The following RSPH14 variants were observed in gnomAD, a reference collection of about 807,000 sequenced individuals.
RSPH14 encodes the protein rhabdoid tumor deletion region gene 1.
Under a neutral mutation model 26.7 loss-of-function variants are expected in RSPH14, and 20 were observed. The observed-to-expected ratio is 0.75, with a 90% CI of 0.53 to 1.09. The LOEUF (loss-of-function observed/expected upper bound fraction) is 1.09. Among genes scored for constraint, RSPH14 ranks in the 50% least tolerant of loss-of-function variants. The pLI, the probability that RSPH14 is intolerant of heterozygous loss-of-function variation, is 0.00. For synonymous variants in RSPH14, 177 were observed against 189.3 expected (o/e 0.93, Z 0.53); for missense variants, 449 against 457.2 (o/e 0.98, Z 0.16).
At chr22:23,131,457 T>G in intron 4 of RSPH14, 1 of 423,170 alleles carries the variant, frequency 2.4e-6, no homozygotes, top group Non-Finnish European at 4.1e-6. Flanking sequence ...TATGATTTCT[T>G]CAAATAAAAA....
intron 3 of RSPH14, among the ~76,000 whole-genome samples, chr22:23,137,578 T>A (rs542587340): frequency 2.0e-5 from 3 of 152,030 alleles, no homozygotes; most frequent in South Asian, 4.2e-4. Flanking sequence ...GCTGTTTTTT[T>A]TCCCTTCAAA....
chr22:23,125,782 C>T (rs1016377088), intron 4 of RSPH14, among the ~76,000 whole-genome samples: 2 of 152,204 alleles, frequency 1.3e-5, no homozygotes, highest in African/African-American at 4.8e-5. Context: ...GCTGATCTTT[C>T]CTCCTGCTGG....
chr22:23,114,515 T>C (rs2267002), intron 4 of RSPH14, among the ~76,000 whole-genome samples: 78,479 of 151,476 alleles, frequency 0.52, 20,551 homozygotes, highest in Middle Eastern at 0.58. Context: ...GCTCTTGTAT[T>C]ACCCCTCGCC....
chr22:23,126,514 G>C (rs1372936694), intron 4 of RSPH14, among the ~76,000 whole-genome samples: 1 of 152,208 alleles, frequency 6.6e-6, no homozygotes, highest in Non-Finnish European at 1.5e-5. Context: ...CATCTGTCAG[G>C]GCTCCAGGGT....
chr22:23,175,860 C>T, the RSPH14 span, among the ~76,000 whole-genome samples: 2 of 152,230 alleles, frequency 1.3e-5, no homozygotes, highest in African/African-American at 4.8e-5. Context: ...ACTGAGGGAA[C>T]AGCAGCTATC....
chr22:23,063,780 C>T, intron 5 of RSPH14, 122 bp downstream of exon 5: 1 of 867,430 alleles, frequency 1.2e-6, no homozygotes, highest in Non-Finnish European at 1.8e-6. Context: ...CTCCCTCCTA[C>T]CCCTGGGCAC....
intron 4 of RSPH14, among the ~76,000 whole-genome samples, chr22:23,092,876 A>G (rs972001148): frequency 6.6e-6 from 1 of 152,246 alleles, no homozygotes; most frequent in African/African-American, 2.4e-5. Context: ...AAGAACAGTC[A>G]TGACAACAGA....
chr22:23,141,445 G>A (rs1485930594), intron 1 of RSPH14, among the ~76,000 whole-genome samples: 1 of 152,152 alleles, frequency 6.6e-6, no homozygotes, highest in African/African-American at 2.4e-5. Flanking sequence ...TCAGGCCTGG[G>A]TGACCTTGGC....
At chr22:23,150,257 G>A in the RSPH14 span, 9 of 951,800 alleles carry the variant, frequency 9.5e-6, no homozygotes, top group Non-Finnish European at 1.5e-5. Context: ...CGAGGCTGGT[G>A]CAGCCCTGTA....
intron 4 of RSPH14, among the ~76,000 whole-genome samples, chr22:23,092,390 A>ACC (rs2069005019): frequency 6.6e-6 from 1 of 151,824 alleles, no homozygotes; most frequent in African/African-American, 2.4e-5. Flanking sequence ...GGGCGCTCAT[A>ACC]CCCCCAAACA....
intron 4 of RSPH14, among the ~76,000 whole-genome samples, chr22:23,118,660 C>A (rs2069922702): frequency 6.6e-6 from 1 of 152,222 alleles, no homozygotes. Flanking sequence ...GCCATGGGGT[C>A]ATGGTTGGCA....
chr22:23,111,339 C>G (rs2069652361), intron 4 of RSPH14, among the ~76,000 whole-genome samples: 1 of 152,194 alleles, frequency 6.6e-6, no homozygotes, highest in Non-Finnish European at 1.5e-5. Flanking sequence ...AATCTCCAAG[C>G]CCAGGCCAGG....
In RSPH14 at chr22:23,138,958, A is replaced by C. The variant is rs544209933; in HGVS notation, c.200-16T>G. On this transcript the variant is annotated splice_polypyrimidine_tract_variant and intron_variant, in intron 2 of 6. Coordinates refer to ENST00000216036, the MANE Select transcript of RSPH14 (RefSeq NM_014433.3). ...TCCATACAGCCTAGAAAAAAAAAAA[A>C]AAACAAACAAACCAACCCTTGAATT... 879 of 1,528,924 alleles carry C rather than the reference A, an allele frequency of 5.7e-4. 3 individuals carry two copies. The highest frequency in any genetic ancestry group is 2.1e-3 in the East Asian group (84 of 40,822). The allele number at this position is 1,528,924 out of a possible 1,614,324, so 94.7% of individuals were successfully genotyped here. A position where few individuals can be genotyped will look rare whatever the true frequency, so the allele number is the denominator to read the frequency against.
At position 23,124,880 on chromosome 22, in the gene RSPH14, C is replaced by G. The variant is rs148043323; in HGVS notation, c.421+9146G>C. 343 of 152,920 alleles carry G rather than the reference C, an allele frequency of 2.2e-3. 1 individual carries two copies. The highest frequency in any genetic ancestry group is 2.5e-3 in the Non-Finnish European group (173 of 68,302). 9.5% of individuals were successfully genotyped at this position (152,920 alleles called of 1,614,324 possible). On this transcript the variant is annotated intron_variant, in intron 4 of 6. Transcript: ENST00000216036. ...CACTGCCGGAGCCCTTGCCAGATCT[C>G]CCTCCCTCTCTCCGTGCAGTAGCTG...
chr22:23,060,425 G>A (rs1312356777), intron 6 of RSPH14, among the ~76,000 whole-genome samples: 1 of 151,488 alleles, frequency 6.6e-6, no homozygotes, highest in Non-Finnish European at 1.5e-5. Flanking sequence ...AGCCAAGATG[G>A]TGCCACTGCA....
chr22:23,132,297 A>G (rs2070373326), intron 4 of RSPH14, among the ~76,000 whole-genome samples: 1 of 152,168 alleles, frequency 6.6e-6, no homozygotes, highest in Admixed American at 6.5e-5. Context: ...AAGGCCTCCT[A>G]TCATGGCCCT....
Position 23,140,319 on chromosome 22 carries a change from C to G in RSPH14, c.102G>C (p.Glu34Asp). The G allele has an allele frequency of 6.2e-7, 1 of 1,614,182 alleles. No homozygotes were observed. Among genetic ancestry groups the G allele is most frequent in the Non-Finnish European group, 8.5e-7 (1 of 1,180,032 alleles). The part of the protein sequence containing the change: ...GHRALPKLKE[E>D]LQSEDLQTRQ... ...TCGTCTGGAGGTCCTCTGACTGCAG[C>G]TCCTCCTTCAGCTTGGGCAGGGCCC... The change falls in exon 2 of 7, where the codon GAG becomes GAC. Residue 34 changes from glutamate to aspartate, a missense_variant. Coordinates refer to ENST00000216036, the MANE Select transcript of RSPH14 (RefSeq NM_014433.3).
chr22:23,068,978 G>A (rs999388476), intron 4 of RSPH14, among the ~76,000 whole-genome samples: 1 of 152,134 alleles, frequency 6.6e-6, no homozygotes, highest in African/African-American at 2.4e-5. Flanking sequence ...CACTAAGTTC[G>A]CCTCCATGAT....
At chr22:23,175,497 T>C in the RSPH14 span, among the ~76,000 whole-genome samples, 1 of 151,878 alleles carries the variant, frequency 6.6e-6, no homozygotes, top group African/African-American at 2.4e-5. Context: ...AATTTTTATA[T>C]TTTTGGTAGA....
Sources: gnomAD v4.1 joint callset for allele counts (sites outside exome capture counted in the v4.1 genomes callset) on GRCh38, gnomAD v4.1.1 for gene constraint, MANE v1.5 for transcripts, NCBI Gene and HGNC (gene_info 2026-07-23, HGNC 2026-07-21) for gene names.